Variants in DISC1 observed in about 807,000 individuals in gnomAD.
DISC1 encodes the protein disrupted in schizophrenia 1 protein.
Under a neutral mutation model 84.5 loss-of-function variants are expected in DISC1, and 57 were observed. The observed-to-expected ratio is 0.67, with a 90% confidence interval of 0.55 to 0.84. The LOEUF (loss-of-function observed/expected upper bound fraction) is 0.84. DISC1 is among the 40% of genes least tolerant of loss of function. The pLI is 0.00. For synonymous variants in DISC1, 411 were observed against 415.2 expected, an observed-to-expected ratio of 0.99 and a Z score of 0.12; for missense variants, 1,000 against 1,057.8, an observed-to-expected ratio of 0.95 and a Z score of 0.76.
chr1:231,939,590 C>T (rs1016755697), intron 9 of DISC1, among the ~76,000 whole-genome samples: 2 of 152,168 alleles, frequency 1.3e-5, no homozygotes, highest in Admixed American at 6.5e-5. Context: ...AAACTCCCCT[C>T]TCATCCTCTC....
intron 8 of DISC1, among the ~76,000 whole-genome samples, chr1:231,803,551 C>T (rs543264740): frequency 2.0e-5 from 3 of 152,222 alleles, no homozygotes; most frequent in Non-Finnish European, 2.9e-5. Flanking sequence ...TGTTAACAGA[C>T]GGCTTCAGTT....
intron 9 of DISC1, among the ~76,000 whole-genome samples, chr1:231,952,435 T>A (rs899310880): frequency 1.3e-5 from 2 of 152,082 alleles, no homozygotes; most frequent in Non-Finnish European, 2.9e-5. Context: ...TCTGTTGAAC[T>A]CAGAAATCCT....
intron 9 of DISC1, among the ~76,000 whole-genome samples, chr1:231,895,767 A>C (rs2087639090): frequency 6.6e-6 from 1 of 152,028 alleles, no homozygotes; most frequent in South Asian, 2.1e-4. Flanking sequence ...GAAGTTTTCC[A>C]TCTTCTTATT....
chr1:231,899,573 T>G, intron 9 of DISC1, among the ~76,000 whole-genome samples: 1 of 152,178 alleles, frequency 6.6e-6, no homozygotes, highest in East Asian at 1.9e-4. Context: ...AGGATGAAAT[T>G]TATAGCAATA....
At chr1:231,895,819 G>T (rs2087641734) in intron 9 of DISC1, among the ~76,000 whole-genome samples, 1 of 152,100 alleles carries the variant, frequency 6.6e-6, no homozygotes, top group African/African-American at 2.4e-5. Context: ...TACTGCAGTT[G>T]CCTCAGAACC....
intron 1 of DISC1, among the ~76,000 whole-genome samples, chr1:231,640,907 C>T (rs1341781866): frequency 2.6e-5 from 4 of 152,118 alleles, no homozygotes; most frequent in Non-Finnish European, 4.4e-5. Flanking sequence ...GGAGTGCTGA[C>T]TAGTATAGAC....
intron 9 of DISC1, among the ~76,000 whole-genome samples, chr1:231,860,853 T>C (rs772416389): frequency 5.3e-5 from 8 of 152,204 alleles, no homozygotes; most frequent in Non-Finnish European, 1.0e-4. Flanking sequence ...ATCTTTCTAA[T>C]CTAAGCCAGT....
chr1:231,690,351 G>A (rs1443702062), intron 1 of DISC1, among the ~76,000 whole-genome samples: 1 of 152,174 alleles, frequency 6.6e-6, no homozygotes, highest in African/African-American at 2.4e-5. Context: ...TCAGTCGTTC[G>A]TTCCTGGACT....
At chr1:231,939,819 C>A (rs182579406) in intron 9 of DISC1, among the ~76,000 whole-genome samples, 1 of 151,884 alleles carries the variant, frequency 6.6e-6, no homozygotes, top group African/African-American at 2.4e-5. Context: ...CTCAGCTCAC[C>A]GCAACCTCCG....
intron 9 of DISC1, among the ~76,000 whole-genome samples, chr1:231,931,653 T>TTC (rs958768124): frequency 2.6e-5 from 4 of 151,246 alleles, no homozygotes; most frequent in African/African-American, 9.7e-5. Context: ...TGATTTTTTT[T>TTC]TTTTTTTGTC....
intron 9 of DISC1, among the ~76,000 whole-genome samples, chr1:231,913,584 G>A (rs1043317585): frequency 6.6e-6 from 1 of 152,212 alleles, no homozygotes; most frequent in Non-Finnish European, 1.5e-5. Context: ...ACCTGAGGGT[G>A]ATAGCCTCTT....
At chr1:232,028,043 A>T (rs183170318) in intron 12 of DISC1, among the ~76,000 whole-genome samples, 2 of 152,350 alleles carry the variant, frequency 1.3e-5, no homozygotes, top group East Asian at 3.9e-4. Context: ...TCTGTTCTTC[A>T]TAATTTCCTG....
chr1:231,904,362 C>G (rs868769911), intron 9 of DISC1, among the ~76,000 whole-genome samples: 3 of 152,132 alleles, frequency 2.0e-5, no homozygotes, highest in South Asian at 4.2e-4. Context: ...CAATTTAGTC[C>G]TAAATATATT....
intron 2 of DISC1, among the ~76,000 whole-genome samples, chr1:231,696,637 G>T (rs2065745873): frequency 6.6e-6 from 1 of 152,220 alleles, no homozygotes; most frequent in African/African-American, 2.4e-5. Flanking sequence ...TGTGACAGTG[G>T]TCCTGTGAGA....
chr1:231,995,391 C>G (rs1439245777), intron 10 of DISC1, among the ~76,000 whole-genome samples: 1 of 151,394 alleles, frequency 6.6e-6, no homozygotes, highest in East Asian at 1.9e-4. Context: ...GCACAATGTG[C>G]AGGTTAGTTA....
chr1:231,828,885 G>A (rs6667141), intron 9 of DISC1, among the ~76,000 whole-genome samples: 1 of 151,926 alleles, frequency 6.6e-6, no homozygotes, highest in Non-Finnish European at 1.5e-5. Flanking sequence ...TGAAACTGAG[G>A]CTCAGTGAAT....
At chr1:231,824,147 AG>A (rs1247333214) in intron 9 of DISC1, among the ~76,000 whole-genome samples, 1 of 152,152 alleles carries the variant, frequency 6.6e-6, no homozygotes, top group Non-Finnish European at 1.5e-5. Context: ...CCTATGTATA[AG>A]AAAACTTAGC....
intron 11 of DISC1, among the ~76,000 whole-genome samples, chr1:232,014,093 T>TA (rs547396928): frequency 1.3e-5 from 2 of 152,152 alleles, no homozygotes; most frequent in Non-Finnish European, 2.9e-5. Context: ...CAATTTCACA[T>TA]AAAAAAAGCT....
intron 10 of DISC1, among the ~76,000 whole-genome samples, chr1:231,967,885 G>A (rs61835564): frequency 0.035 from 5,399 of 152,114 alleles, 121 homozygotes; most frequent in Non-Finnish European, 0.047. Context: ...TAACAAAATG[G>A]CGTGAATTAA....
Sources: gnomAD v4.1 joint callset for allele counts (sites outside exome capture counted in the v4.1 genomes callset) on GRCh38, gnomAD v4.1.1 for gene constraint, MANE v1.5 for transcripts, NCBI Gene and HGNC (gene_info 2026-07-23, HGNC 2026-07-21) for gene names.